Variants in TCF4 observed in about 807,000 individuals in gnomAD.
The protein encoded by TCF4 is transcription factor 4.
TCF4 carries 3 observed loss-of-function variants against 82.1 expected under a neutral mutation model. The observed-to-expected ratio is 0.04, with a 90% CI of 0.02 to 0.09. TCF4 has a LOEUF of 0.09. Ranked by LOEUF, TCF4 falls within the 10% of genes least tolerant of loss-of-function variation. The pLI is 1.00. For missense variants in TCF4, 518 were observed against 852.7 expected (o/e 0.61, Z 4.89); for synonymous variants, 276 against 309.6 (o/e 0.89, Z 1.14).
At chr18:55,604,235 TA>T (rs899785923) in intron 2 of TCF4, among the ~76,000 whole-genome samples, 3 of 147,418 alleles carry the variant, frequency 2.0e-5, no homozygotes, top group Non-Finnish European at 4.6e-5. Context: ...TGTTTTTTTT[TA>T]AAAAAAGCCG....
chr18:55,261,459 T>C lies in TCF4; in HGVS notation c.990+7A>G, dbSNP rs1197432763. The C allele has an allele frequency of 1.2e-6, 2 of 1,613,758 alleles. No individual in the cohort carries two copies. Among genetic ancestry groups the C allele is most frequent in the Non-Finnish European group, 1.7e-6 (2 of 1,179,814 alleles). The stretch of plus-strand genomic sequence containing the variant: ...ACATATGGAGTCCAAAGTCAATATT[T>C]CCTCACCGAAGCAAGTGCTTTCCCC... On this transcript the variant is annotated splice_region_variant and intron_variant, in intron 12 of 19. Coordinates refer to ENST00000354452, the MANE Select transcript of TCF4 (RefSeq NM_001083962.2).
chr18:55,259,836 A>G (rs1309266129), intron 13 of TCF4, 113 bp downstream of exon 13: 2 of 903,810 alleles, frequency 2.2e-6, no homozygotes, highest in Non-Finnish European at 3.7e-6. Flanking sequence ...TAGGAATGTT[A>G]AAGCTTTGGG....
intron 8 of TCF4, among the ~76,000 whole-genome samples, chr18:55,316,856 G>A (rs2074273484): frequency 1.3e-5 from 2 of 151,980 alleles, no homozygotes; most frequent in Admixed American, 1.3e-4. Context: ...GCGACAGAAG[G>A]ATGCTTTACC....
chr18:55,526,469 T>C (rs543971346), intron 3 of TCF4, among the ~76,000 whole-genome samples: 3 of 152,284 alleles, frequency 2.0e-5, no homozygotes, highest in Middle Eastern at 3.4e-3. Context: ...TAAGAGTACA[T>C]AGATAACAAG....
At chr18:55,298,433 A>G (rs186509802) in intron 8 of TCF4, among the ~76,000 whole-genome samples, 1 of 152,336 alleles carries the variant, frequency 6.6e-6, no homozygotes, top group East Asian at 1.9e-4. Flanking sequence ...CCATGTTCGA[A>G]GACAGGCTCA....
intron 5 of TCF4, among the ~76,000 whole-genome samples, chr18:55,407,649 TA>T (rs60748072): frequency 0.07 from 9,289 of 132,592 alleles, 484 homozygotes; most frequent in African/African-American, 0.15. Flanking sequence ...AACTTCCATA[TA>T]AAAAAAAAAA....
intron 2 of TCF4, among the ~76,000 whole-genome samples, chr18:55,627,988 A>T (rs2097728228): frequency 6.6e-6 from 1 of 152,126 alleles, no homozygotes; most frequent in South Asian, 2.1e-4. Flanking sequence ...TGAACCCGGG[A>T]GGCGGAGCTT....
intron 2 of TCF4, among the ~76,000 whole-genome samples, chr18:55,610,172 C>A (rs919263073): frequency 3.3e-5 from 5 of 152,236 alleles, no homozygotes; most frequent in African/African-American, 1.2e-4. Flanking sequence ...CATGCCAAAC[C>A]CTGACAAACG....
At chr18:55,624,912 AC>A (rs2097724991) in intron 2 of TCF4, among the ~76,000 whole-genome samples, 1 of 152,010 alleles carries the variant, frequency 6.6e-6, no homozygotes, top group Non-Finnish European at 1.5e-5. Context: ...CAAATGCCTG[AC>A]CCTTCCTCAT....
intron 5 of TCF4, among the ~76,000 whole-genome samples, chr18:55,452,879 C>G (rs1341193597): frequency 6.6e-6 from 1 of 152,182 alleles, no homozygotes; most frequent in South Asian, 2.1e-4. Context: ...TTTTTTCCTA[C>G]TCCATCTTCC....
intron 6 of TCF4, among the ~76,000 whole-genome samples, chr18:55,356,909 C>T (rs1254609418): frequency 6.6e-6 from 1 of 152,054 alleles, no homozygotes; most frequent in African/African-American, 2.4e-5. Context: ...TGTATTTCAC[C>T]AAACACTCAA....
chr18:55,307,528 A>G (rs2070776209), intron 8 of TCF4, among the ~76,000 whole-genome samples: 1 of 152,180 alleles, frequency 6.6e-6, no homozygotes, highest in Non-Finnish European at 1.5e-5. Flanking sequence ...CAAAGACTGC[A>G]TTTTCTACAA....
intron 6 of TCF4, among the ~76,000 whole-genome samples, chr18:55,377,507 G>T (rs748868254): frequency 6.6e-6 from 1 of 152,172 alleles, no homozygotes; most frequent in Non-Finnish European, 1.5e-5. Context: ...GCACAAGTGG[G>T]AAGAAATGTT....
At chr18:55,593,208 A>G (rs1440251405), upstream of TCF4, among the ~76,000 whole-genome samples, 4 of 152,226 alleles carry the variant, frequency 2.6e-5, no homozygotes, top group South Asian at 8.3e-4. Context: ...AGTGTCATTC[A>G]TTCCCTTTTC....
chr18:55,261,430 T>C (rs1873921883), intron 12 of TCF4, 36 bp downstream of exon 12: 1 of 1,608,158 alleles, frequency 6.2e-7, no homozygotes, highest in Admixed American at 1.7e-5. Flanking sequence ...CCCTTTACAA[T>C]GGTACATATG....
At chr18:55,321,621 C>A (rs927310859) in intron 8 of TCF4, 25 of 1,535,878 alleles carry the variant, frequency 1.6e-5, no homozygotes, top group Non-Finnish European at 2.2e-5. Context: ...CTCATCCCTG[C>A]GACAATAAAA....
intron 8 of TCF4, among the ~76,000 whole-genome samples, chr18:55,339,477 C>T (rs933841571): frequency 3.3e-5 from 5 of 152,138 alleles, no homozygotes; most frequent in African/African-American, 9.7e-5. Flanking sequence ...TCGGATCTAT[C>T]GGCTTTCCAG....
At chr18:55,491,406 C>A (rs2096575366) in intron 3 of TCF4, among the ~76,000 whole-genome samples, 1 of 152,152 alleles carries the variant, frequency 6.6e-6, no homozygotes, top group South Asian at 2.1e-4. Flanking sequence ...CTGACACAAT[C>A]GAAAGGGCAT....
chr18:55,273,231 G>C (rs935621095), intron 10 of TCF4, among the ~76,000 whole-genome samples: 9 of 152,106 alleles, frequency 5.9e-5, no homozygotes, highest in Non-Finnish European at 5.9e-5. Context: ...TGGATCTTAA[G>C]CTTTATAATT....
Sources: gnomAD v4.1 joint callset for allele counts (sites outside exome capture counted in the v4.1 genomes callset) on GRCh38, gnomAD v4.1.1 for gene constraint, MANE v1.5 for transcripts, NCBI Gene and HGNC (gene_info 2026-07-23, HGNC 2026-07-21) for gene names.